Variants in GFPT1 observed in about 807,000 individuals in gnomAD.
GFPT1 encodes the protein glutamine--fructose-6-phosphate aminotransferase [isomerizing] 1.
GFPT1 carries 40 observed loss-of-function variants against 92.0 expected under a neutral mutation model. The ratio of observed to expected loss-of-function variants is 0.43; its 90% CI spans 0.34 to 0.57. The LOEUF is 0.57. GFPT1 is among the 20% of genes least tolerant of loss of function. The pLI is 0.02. For synonymous variants in GFPT1, 269 were observed against 280.6 expected (o/e 0.96, Z 0.41); for missense variants, 448 against 869.1 (o/e 0.52, Z 6.09).
At chr2:69,361,214 G>A (rs1262782231) in intron 4 of GFPT1, among the ~76,000 whole-genome samples, 1 of 151,978 alleles carries the variant, frequency 6.6e-6, no homozygotes, top group Non-Finnish European at 1.5e-5. Context: ...CTGGGGGGCT[G>A]AGATAGATGG....
intron 1 of GFPT1, among the ~76,000 whole-genome samples, chr2:69,381,892 GTCAC>G (rs1480434522): frequency 6.8e-6 from 1 of 146,970 alleles, no homozygotes; most frequent in Non-Finnish European, 1.5e-5. Flanking sequence ...GAGACAGAGT[GTCAC>G]TCAGTCACCC....
Position 69,326,048 on chromosome 2 carries a change from G to A in GFPT1, c.*141C>T. The A allele has an allele frequency of 1.6e-6, 1 of 614,388 alleles. No homozygotes were observed. Among genetic ancestry groups the A allele is most frequent in the Non-Finnish European group, 2.9e-6 (1 of 347,068 alleles). The allele number at this position is 614,388 out of a possible 1,614,324, so 38.1% of individuals were successfully genotyped here. ...ACTTCACAAAAATCACATATTGAGT[G>A]GAATAATTATAACTGATATATAAAT... On this transcript the variant is annotated 3_prime_UTR_variant, in exon 20 of 20. Coordinates refer to ENST00000357308, the MANE Select transcript of GFPT1 (RefSeq NM_001244710.2).
chr2:69,332,793 T>C (rs773680278), intron 15 of GFPT1, among the ~76,000 whole-genome samples: 53 of 152,242 alleles, frequency 3.5e-4, no homozygotes, highest in African/African-American at 8.7e-4. Context: ...GGTGTGTGTG[T>C]GCGCGCGCGG....
intron 18 of GFPT1, among the ~76,000 whole-genome samples, chr2:69,327,599 G>C (rs769114531): frequency 8.4e-4 from 128 of 152,174 alleles, no homozygotes; most frequent in Non-Finnish European, 1.5e-3. Flanking sequence ...AGTCCCCAGA[G>C]TAGCTGGGAC....
At position 69,363,535 on chromosome 2, in the gene GFPT1, CT is replaced by C; in HGVS notation, c.349+9del. ...ACAATCATTCCAAAGCACAAAAAAT[CT>C]TTCCATACCATTATTTTTATCAGAG... On this transcript the variant is annotated intron_variant, in intron 4 of 19. Transcript: ENST00000357308. 3 of 1,613,828 alleles carry C rather than the reference CT, an allele frequency of 1.9e-6. No individual in the cohort carries two copies. The highest frequency in any genetic ancestry group is 2.2e-5 in the South Asian group (2 of 91,074).
At chr2:69,364,360 T>C (rs919057504) in intron 3 of GFPT1, among the ~76,000 whole-genome samples, 1 of 152,182 alleles carries the variant, frequency 6.6e-6, no homozygotes, top group Non-Finnish European at 1.5e-5. Context: ...GAAGTATATA[T>C]AGGTAATAAT....
chr2:69,364,846 T>C (rs546106352), intron 3 of GFPT1, among the ~76,000 whole-genome samples: 130 of 151,716 alleles, frequency 8.6e-4, no homozygotes, highest in African/African-American at 3.0e-3. Flanking sequence ...ACTACAAAAA[T>C]TAGCCGGGTG....
intron 15 of GFPT1, among the ~76,000 whole-genome samples, chr2:69,335,667 T>C (rs751175738): frequency 2.6e-5 from 4 of 152,144 alleles, no homozygotes; most frequent in Non-Finnish European, 4.4e-5. Context: ...AATTACCATA[T>C]GGAGAAAATT....
At chr2:69,369,900 T>C (rs559937068) in intron 3 of GFPT1, 101 bp downstream of exon 3, 3 of 772,282 alleles carry the variant, frequency 3.9e-6, no homozygotes, top group South Asian at 2.8e-5. Context: ...ATCATTAAAA[T>C]TGGTCCCAAA....
rs577576665 is a variant in GFPT1, at chr2:69,348,091, G to C, written c.1009+80C>G. 3,351 of 1,106,952 alleles carry C rather than the reference G, an allele frequency of 3.0e-3. 10 individuals are homozygous for C. The highest frequency in any genetic ancestry group is 3.6e-3 in the Non-Finnish European group (2,563 of 717,866). 68.6% of individuals were successfully genotyped at this position (1,106,952 alleles called of 1,614,324 possible). A position where few individuals can be genotyped will look rare whatever the true frequency, so the allele number is the denominator to read the frequency against. ...AGATTCCACTCATCATTCATTACTA[G>C]ATTTAATATGCTAGGAAAGGAAGTA... On this transcript the variant is annotated intron_variant, in intron 11 of 19. Transcript: ENST00000357308.
At chr2:69,333,896 G>A (rs1017009207) in intron 15 of GFPT1, among the ~76,000 whole-genome samples, 5 of 152,174 alleles carry the variant, frequency 3.3e-5, no homozygotes, top group African/African-American at 7.2e-5. Flanking sequence ...GGTGGCTTAC[G>A]CCTGTAATCC....
At chr2:69,354,591 G>A in intron 7 of GFPT1, 23 bp from the exon 8 acceptor site, 1 of 1,414,674 alleles carries the variant, frequency 7.1e-7, no homozygotes. Flanking sequence ...AAAGCAGTTA[G>A]AATTAAACCA....
chr2:69,333,548 G>C (rs1339224851), intron 15 of GFPT1, among the ~76,000 whole-genome samples: 3 of 152,152 alleles, frequency 2.0e-5, no homozygotes, highest in Non-Finnish European at 4.4e-5. Context: ...GGAAAATGCT[G>C]ACTCTGAAAT....
chr2:69,350,265 T>A, intron 9 of GFPT1, 82 bp from the exon 10 acceptor site: 2 of 934,798 alleles, frequency 2.1e-6, no homozygotes, highest in African/African-American at 1.6e-5. Context: ...TTCTATAAAA[T>A]CAAGAAAAAA....
At chr2:69,360,440 A>AT (rs1553391768) in intron 4 of GFPT1, among the ~76,000 whole-genome samples, 51 of 100,170 alleles carry the variant, frequency 5.1e-4, no homozygotes, top group African/African-American at 1.1e-3. Flanking sequence ...AATTATCAAA[A>AT]TATTTTTTTT....
chr2:69,386,943 C>A, intron 1 of GFPT1, 122 bp downstream of exon 1: 1 of 811,208 alleles, frequency 1.2e-6, no homozygotes, highest in South Asian at 1.4e-5. Context: ...CGCCCCTTGC[C>A]CATCACCCAG....
chr2:69,377,282 G>C (rs925570717), intron 1 of GFPT1, among the ~76,000 whole-genome samples: 3 of 150,262 alleles, frequency 2.0e-5, no homozygotes, highest in African/African-American at 7.4e-5. Flanking sequence ...CTCAACAACA[G>C]CATTCAACTT....
intron 6 of GFPT1, 27 bp downstream of exon 6, chr2:69,358,302 A>T: frequency 4.4e-6 from 7 of 1,589,992 alleles, no homozygotes; most frequent in Non-Finnish European, 6.0e-6. Context: ...TGTTGGCATA[A>T]TTATCTTTAA....
chr2:69,383,972 C>T (rs542967743), intron 1 of GFPT1, among the ~76,000 whole-genome samples: 1 of 152,264 alleles, frequency 6.6e-6, no homozygotes, highest in South Asian at 2.1e-4. Flanking sequence ...AAGGGTATAA[C>T]TTCACATTTA....
Sources: gnomAD v4.1 joint callset for allele counts (sites outside exome capture counted in the v4.1 genomes callset) on GRCh38, gnomAD v4.1.1 for gene constraint, MANE v1.5 for transcripts, NCBI Gene and HGNC (gene_info 2026-07-23, HGNC 2026-07-21) for gene names.